TOX: variants seen among roughly 807,000 people sequenced by gnomAD.
The protein encoded by TOX is thymocyte selection-associated high mobility group box protein TOX.
In TOX, 11 loss-of-function variants were observed where a neutral mutation model predicts 53.7. The observed-to-expected ratio is 0.20, with a 90% confidence interval of 0.13 to 0.34. The LOEUF (loss-of-function observed/expected upper bound fraction) is 0.34. TOX is among the 10% of genes least tolerant of loss of function. TOX has a pLI of 1.00. For synonymous variants in TOX, 225 were observed against 245.3 expected, an observed-to-expected ratio of 0.92 and a Z score of 0.77; for missense variants, 570 against 664.6, an observed-to-expected ratio of 0.86 and a Z score of 1.56.
intron 1 of TOX, among the ~76,000 whole-genome samples, chr8:59,054,264 CAG>C (rs1284455497): frequency 1.3e-5 from 2 of 152,180 alleles, no homozygotes; most frequent in African/African-American, 2.4e-5. Flanking sequence ...GGCATGAGCA[CAG>C]AGGTCATTAG....
chr8:58,833,490 A>C (rs1411702655), intron 5 of TOX, among the ~76,000 whole-genome samples: 2 of 152,182 alleles, frequency 1.3e-5, no homozygotes, highest in Non-Finnish European at 2.9e-5. Flanking sequence ...TAATGGAGGT[A>C]AACAGGAAAT....
intron 4 of TOX, among the ~76,000 whole-genome samples, chr8:58,850,059 T>C (rs1414688154): frequency 6.6e-6 from 1 of 152,176 alleles, no homozygotes; most frequent in African/African-American, 2.4e-5. Flanking sequence ...TATTTATGAA[T>C]ATCAATTAGT....
At chr8:58,887,604 A>G (rs1481515586) in intron 3 of TOX, among the ~76,000 whole-genome samples, 1 of 151,954 alleles carries the variant, frequency 6.6e-6, no homozygotes, top group Non-Finnish European at 1.5e-5. Context: ...TTTATTTTAT[A>G]TAGTCTGTGC....
chr8:58,849,442 A>T (rs1810771618), intron 4 of TOX, among the ~76,000 whole-genome samples: 1 of 152,194 alleles, frequency 6.6e-6, no homozygotes, highest in South Asian at 2.1e-4. Context: ...AGATGTGGAT[A>T]TTGAATGATT....
intron 1 of TOX, among the ~76,000 whole-genome samples, chr8:59,054,243 G>A (rs117382892): frequency 0.013 from 1,971 of 152,290 alleles, 21 homozygotes; most frequent in Admixed American, 0.025. Flanking sequence ...ATTATAAACA[G>A]TTCATGAATA....
chr8:58,812,010 C>G (rs1176066620), intron 7 of TOX, among the ~76,000 whole-genome samples: 1 of 152,154 alleles, frequency 6.6e-6, no homozygotes, highest in Non-Finnish European at 1.5e-5. Context: ...CTCTCTCTGT[C>G]TCTCTTTCTC....
chr8:59,031,735 G>T (rs556712277), intron 1 of TOX, among the ~76,000 whole-genome samples: 4 of 152,350 alleles, frequency 2.6e-5, no homozygotes, highest in African/African-American at 7.2e-5. Context: ...CTTCAAGGAA[G>T]ATTGTTCCAG....
chr8:58,852,548 C>T (rs939573725), intron 3 of TOX, among the ~76,000 whole-genome samples: 2 of 152,174 alleles, frequency 1.3e-5, no homozygotes, highest in South Asian at 4.1e-4. Flanking sequence ...AATTTTGTCT[C>T]TGCAAGGATT....
intron 3 of TOX, among the ~76,000 whole-genome samples, chr8:58,922,949 A>G (rs1041611917): frequency 2.6e-5 from 4 of 151,858 alleles, no homozygotes; most frequent in Non-Finnish European, 4.4e-5. Context: ...CGTGTTCCCA[A>G]TAGAGGGATG....
intron 1 of TOX, among the ~76,000 whole-genome samples, chr8:58,998,519 A>AAAAATT (rs1304925640): frequency 1.6e-4 from 19 of 120,934 alleles, no homozygotes; most frequent in East Asian, 1.4e-3. Flanking sequence ...ATATATATAT[A>AAAAATT]TATATATATA....
chr8:59,033,681 G>A (rs2129420201), intron 1 of TOX, among the ~76,000 whole-genome samples: 1 of 152,280 alleles, frequency 6.6e-6, no homozygotes, highest in African/African-American at 2.4e-5. Context: ...CAAGAAAAGT[G>A]GTCTTAGTCG....
At chr8:58,811,615 AT>A (rs570798489) in intron 7 of TOX, among the ~76,000 whole-genome samples, 6 of 152,062 alleles carry the variant, frequency 3.9e-5, no homozygotes, top group African/African-American at 1.4e-4. Context: ...TCTCAATGTG[AT>A]TTTTTTTAAA....
intron 3 of TOX, among the ~76,000 whole-genome samples, chr8:58,879,521 C>G (rs1811346472): frequency 8.5e-6 from 1 of 117,910 alleles, no homozygotes; most frequent in South Asian, 2.4e-4. Flanking sequence ...GAAGTAAAAA[C>G]ATATTTTTAG....
intron 1 of TOX, among the ~76,000 whole-genome samples, chr8:58,978,142 CAGGGT>C (rs1184582624): frequency 6.6e-6 from 1 of 152,112 alleles, no homozygotes; most frequent in Admixed American, 6.5e-5. Flanking sequence ...ATTTTTTCAA[CAGGGT>C]AGGCATGGGG....
intron 1 of TOX, among the ~76,000 whole-genome samples, chr8:59,047,609 C>G (rs977952133): frequency 1.3e-5 from 2 of 151,420 alleles, no homozygotes; most frequent in African/African-American, 4.9e-5. Context: ...GTTGTCCCGG[C>G]TGGAGTTCAG....
chr8:58,868,800 C>A, intron 3 of TOX, among the ~76,000 whole-genome samples: 1 of 146,696 alleles, frequency 6.8e-6, no homozygotes, highest in Non-Finnish European at 1.5e-5. Flanking sequence ...CTAAACCAAA[C>A]AGAAGAAAAG....
chr8:58,923,515 C>T (rs1268949364), intron 3 of TOX, among the ~76,000 whole-genome samples: 1 of 152,102 alleles, frequency 6.6e-6, no homozygotes, highest in East Asian at 1.9e-4. Context: ...CGTCTTCTTC[C>T]CCACTTCTCC....
chr8:59,052,741 A>C (rs1803814233), intron 1 of TOX, among the ~76,000 whole-genome samples: 1 of 152,202 alleles, frequency 6.6e-6, no homozygotes, highest in South Asian at 2.1e-4. Flanking sequence ...TTCTTCTGAT[A>C]ATATTAGTAG....
chr8:58,998,839 A>G lies in TOX; in HGVS notation c.103-38831T>C, dbSNP rs1813634797. On this transcript the variant is annotated intron_variant, in intron 1 of 8. Transcript: ENST00000361421. ...AGTCCAAAGGGTGAACTTAATCTCA[A>G]ACAATAGGACAGGTATGAGTGCAAA... 3.3e-5 allele frequency among the ~76,000 whole-genome samples: 5 copies of G among 151,796 alleles called. No homozygotes were observed. The South Asian group carries it at 1.0e-3, about 32-fold the overall frequency.
Sources: allele counts gnomAD v4.1 joint callset (sites outside exome capture counted in the v4.1 genomes callset), GRCh38; gene constraint gnomAD v4.1.1; transcripts MANE v1.5; gene names NCBI Gene and HGNC (gene_info 2026-07-23, HGNC 2026-07-21).